Variants in PLD1 observed in about 807,000 individuals in gnomAD.
PLD1 encodes the protein choline phosphatase 1.
In PLD1, 112 loss-of-function variants were observed where a neutral mutation model predicts 137.1. The ratio of observed to expected loss-of-function variants is 0.82; its 90% CI spans 0.70 to 0.96. PLD1 has a LOEUF of 0.96. PLD1 is among the 40% of genes least tolerant of loss of function. The probability of loss-of-function intolerance (pLI) is 0.00; values close to 1 mark genes in which losing one functional copy is unlikely to be tolerated. For missense variants in PLD1, 1,321 were observed against 1,342.0 expected, an observed-to-expected ratio of 0.98 and a Z score of 0.24; for synonymous variants, 431 against 454.7, an observed-to-expected ratio of 0.95 and a Z score of 0.66.
At chr3:171,661,195 A>C (rs1406889744) in intron 20 of PLD1, among the ~76,000 whole-genome samples, 1 of 152,084 alleles carries the variant, frequency 6.6e-6, no homozygotes, top group Non-Finnish European at 1.5e-5. Flanking sequence ...TAAAGCTCCA[A>C]TTCTTCCCTG....
intron 23 of PLD1, among the ~76,000 whole-genome samples, chr3:171,634,632 A>G (rs1303303624): frequency 6.6e-6 from 1 of 152,188 alleles, no homozygotes; most frequent in Non-Finnish European, 1.5e-5. Context: ...GTGAAAAATT[A>G]CTGAACACAC....
chr3:171,640,887 T>A (rs1735676574), intron 23 of PLD1, among the ~76,000 whole-genome samples: 1 of 152,270 alleles, frequency 6.6e-6, no homozygotes, highest in Non-Finnish European at 1.5e-5. Context: ...CACTCAACTG[T>A]TACTGCCTCT....
Position 171,615,671 on chromosome 3 carries a change from CA to C in PLD1, c.2729-3240del, listed in dbSNP as rs557209052. Among the ~76,000 whole-genome samples, 492 of 152,268 alleles carry C rather than the reference CA, an allele frequency of 3.2e-3. 1 individual carries two copies. Among genetic ancestry groups the C allele is most frequent in the African/African-American group, 0.011 (471 of 41,558 alleles). ...TCCTTTGAGATTTGCTTCTTTCATT[CA>C]GTCTTATGTCTTTGAGATTTTTCTG... On this transcript the variant is annotated intron_variant, in intron 24 of 26. Coordinates refer to ENST00000351298, the MANE Select transcript of PLD1 (RefSeq NM_002662.5).
chr3:171,789,682 C>A (rs1372440572), intron 1 of PLD1: 1 of 152,212 alleles, frequency 6.6e-6, no homozygotes, highest in East Asian at 1.9e-4. Context: ...CCCTCAAATT[C>A]TTCACTTACT....
chr3:171,748,674 T>C (rs1341849526), intron 1 of PLD1, among the ~76,000 whole-genome samples: 2 of 151,840 alleles, frequency 1.3e-5, no homozygotes, highest in African/African-American at 4.8e-5. Flanking sequence ...ACTAAAAATG[T>C]TTGTTGAGGC....
chr3:171,786,536 CAAAGAATTAGACAG>C (rs2108346751), intron 1 of PLD1, among the ~76,000 whole-genome samples: 1 of 152,214 alleles, frequency 6.6e-6, no homozygotes, highest in East Asian at 1.9e-4. Context: ...ATTCTAATCT[CAAAGAATTAGACAG>C]AATAAAGAAT....
intron 1 of PLD1, among the ~76,000 whole-genome samples, chr3:171,798,346 C>T (rs1234491153): frequency 3.3e-5 from 5 of 152,218 alleles, no homozygotes; most frequent in African/African-American, 7.2e-5. Context: ...TCCTACTCAT[C>T]GAACATATGA....
At chr3:171,604,799 C>T (rs936838138) in intron 26 of PLD1, among the ~76,000 whole-genome samples, 2 of 152,184 alleles carry the variant, frequency 1.3e-5, no homozygotes, top group African/African-American at 2.4e-5. Context: ...GTTTACTATA[C>T]ACTATGTGCT....
intron 21 of PLD1, among the ~76,000 whole-genome samples, chr3:171,652,866 C>T (rs962169782): frequency 1.3e-5 from 2 of 148,840 alleles, no homozygotes; most frequent in South Asian, 4.3e-4. Context: ...CTTCCTGCCT[C>T]GGCCTCCCAA....
chr3:171,708,383 A>G (rs996541906), intron 11 of PLD1, among the ~76,000 whole-genome samples: 4 of 152,234 alleles, frequency 2.6e-5, no homozygotes, highest in African/African-American at 9.6e-5. Flanking sequence ...AGGACAATTT[A>G]GAAGAAGTAT....
intron 1 of PLD1, chr3:171,809,703 G>A (rs1261981252): frequency 6.6e-6 from 1 of 152,306 alleles, no homozygotes; most frequent in East Asian, 1.9e-4. Context: ...CGGTTCTCAA[G>A]GGCGTCACAA....
In PLD1 at chr3:171,687,459, T is replaced by C. The variant is rs1369701818; in HGVS notation, c.1665A>G (p.Arg555=). ...TGTAGAGACTAAATTTGGAGAACTT[T>C]CTTGGCTTTCCTATTCCTTTCAGTT... ...DSKLKGIGKP[R]KFSKFSLYKQ... The change falls in exon 15 of 27, where the codon AGA becomes AGG. Residue 555 remains arginine, a synonymous_variant. Coordinates refer to ENST00000351298, the MANE Select transcript of PLD1 (RefSeq NM_002662.5). 1.2e-5 allele frequency: 19 copies of C among 1,614,016 alleles called. No homozygotes were observed. Among genetic ancestry groups the C allele is most frequent in the Non-Finnish European group, 1.5e-5 (18 of 1,180,016 alleles).
chr3:171,805,171 G>C (rs573762610), intron 1 of PLD1, among the ~76,000 whole-genome samples: 1 of 152,148 alleles, frequency 6.6e-6, no homozygotes, highest in South Asian at 2.1e-4. Flanking sequence ...GTTGCTTTTG[G>C]CTGGTTTTCT....
intron 21 of PLD1, among the ~76,000 whole-genome samples, chr3:171,655,065 G>A (rs1737077817): frequency 6.6e-6 from 1 of 152,166 alleles, no homozygotes; most frequent in Non-Finnish European, 1.5e-5. Flanking sequence ...ATTTCTCCAG[G>A]GTAGGAGGGA....
At chr3:171,699,205 T>C (rs1716032772) in intron 12 of PLD1, among the ~76,000 whole-genome samples, 1 of 152,202 alleles carries the variant, frequency 6.6e-6, no homozygotes, top group African/African-American at 2.4e-5. Context: ...ACACATTCAA[T>C]GTTCACCCAG....
chr3:171,674,428 AG>A (rs1298413796), intron 19 of PLD1, 71 bp downstream of exon 19: 3 of 682,316 alleles, frequency 4.4e-6, no homozygotes, highest in Non-Finnish European at 7.5e-6. Context: ...CCAATGTAAT[AG>A]GCCCTTGGTC....
chr3:171,706,151 T>TATCC (rs927898514), intron 11 of PLD1, among the ~76,000 whole-genome samples: 2 of 152,024 alleles, frequency 1.3e-5, no homozygotes, highest in African/African-American at 4.8e-5. Flanking sequence ...TCTATCTATC[T>TATCC]ATCTATCTAT....
Position 171,677,585 on chromosome 3 carries a change from T to C in PLD1, c.1977A>G (p.Gln659=), listed in dbSNP as rs1713516141. ...ACTCACCAGCAAAAGGTTTATCAAG[T>C]TGAACCCAGTCTTTGAAGACGAAAT... ...YCNFVFKDWV[Q]LDKPFADFID... Residue 659 remains glutamine, a synonymous_variant, in exon 17 of 27, where the codon CAA becomes CAG. Coordinates refer to ENST00000351298, the MANE Select transcript of PLD1 (RefSeq NM_002662.5). 53 of 1,613,942 alleles carry C rather than the reference T, an allele frequency of 3.3e-5. No individual in the cohort carries two copies. Among genetic ancestry groups the C allele is most frequent in the Non-Finnish European group, 4.2e-5 (49 of 1,179,948 alleles).
chr3:171,709,534 A>G, intron 10 of PLD1, 26 bp downstream of exon 10: 2 of 1,606,246 alleles, frequency 1.2e-6, no homozygotes, highest in Non-Finnish European at 1.7e-6. Context: ...GACTGCCTTG[A>G]CAGGCTTAGA....
Sources: allele counts gnomAD v4.1 joint callset (sites outside exome capture counted in the v4.1 genomes callset), GRCh38; gene constraint gnomAD v4.1.1; transcripts MANE v1.5; gene names NCBI Gene and HGNC (gene_info 2026-07-23, HGNC 2026-07-21).